The following FCHSD2 variants were observed in gnomAD, a reference collection of about 807,000 sequenced individuals.
FCHSD2 encodes the protein F-BAR and double SH3 domains protein 2.
FCHSD2 carries 38 observed loss-of-function variants against 108.1 expected under a neutral mutation model. That is an observed-to-expected ratio of 0.35 (90% CI 0.27 to 0.46). FCHSD2 has a LOEUF of 0.46. Among genes scored for constraint, FCHSD2 ranks in the 20% least tolerant of loss-of-function variants. The pLI is 1.00. For missense variants in FCHSD2, 751 were observed against 897.8 expected, an observed-to-expected ratio of 0.84 and a Z score of 2.09; for synonymous variants, 279 against 314.7, an observed-to-expected ratio of 0.89 and a Z score of 1.20.
chr11:72,907,892 T>C (rs938239579), intron 9 of FCHSD2, among the ~76,000 whole-genome samples: 2 of 152,146 alleles, frequency 1.3e-5, no homozygotes, highest in African/African-American at 4.8e-5. Context: ...CATGCCTGGC[T>C]GGTTTTGTTA....
chr11:73,021,410 G>T (rs1200089949), intron 3 of FCHSD2, among the ~76,000 whole-genome samples: 1 of 152,106 alleles, frequency 6.6e-6, no homozygotes, highest in African/African-American at 2.4e-5. Flanking sequence ...CTTTGCAGGG[G>T]CGTGGATGGC....
chr11:73,090,219 C>CTTTT (rs59603567), intron 2 of FCHSD2, among the ~76,000 whole-genome samples: 112 of 77,014 alleles, frequency 1.5e-3, no homozygotes, highest in Admixed American at 1.8e-3. Flanking sequence ...TACAATACTT[C>CTTTT]TTTTTTTTTT....
At chr11:73,072,593 CA>C (rs1037280888) in intron 3 of FCHSD2, among the ~76,000 whole-genome samples, 1 of 152,020 alleles carries the variant, frequency 6.6e-6, no homozygotes, top group Admixed American at 6.5e-5. Flanking sequence ...AAGTAATTTA[CA>C]AAACAGGACA....
chr11:73,141,828 AC>A, intron 1 of FCHSD2, 28 bp downstream of exon 1: 2 of 1,540,818 alleles, frequency 1.3e-6, no homozygotes. Flanking sequence ...ATCTCTCCGA[AC>A]CCCAAAGCCC....
intron 11 of FCHSD2, among the ~76,000 whole-genome samples, chr11:72,889,408 G>C (rs2135249669): frequency 6.6e-6 from 1 of 152,238 alleles, no homozygotes; most frequent in East Asian, 1.9e-4. Context: ...GCTGATGGAG[G>C]GCTTAAGGAA....
intron 8 of FCHSD2, among the ~76,000 whole-genome samples, chr11:72,950,971 G>A (rs1260744407): frequency 1.3e-5 from 2 of 152,166 alleles, no homozygotes; most frequent in Admixed American, 6.5e-5. Flanking sequence ...TAGATCTTAA[G>A]AGAATAGGTG....
chr11:72,842,860 A>G lies in FCHSD2; in HGVS notation c.1706-19T>C, dbSNP rs1174026513. The G allele has an allele frequency of 6.3e-7, 1 of 1,595,768 alleles. No homozygotes were observed. Among genetic ancestry groups the G allele is most frequent in the Admixed American group, 1.7e-5 (1 of 59,578 alleles). ...AAACATACTAGGGAGCAAGAGAAAA[A>G]CAAATCTGGTAAGATAATTAACAGC... On this transcript the variant is annotated intron_variant, in intron 16 of 19. Coordinates refer to ENST00000409418, the MANE Select transcript of FCHSD2 (RefSeq NM_014824.3).
At chr11:72,949,561 C>A (rs1856584755) in intron 8 of FCHSD2, among the ~76,000 whole-genome samples, 1 of 152,214 alleles carries the variant, frequency 6.6e-6, no homozygotes, top group Non-Finnish European at 1.5e-5. Flanking sequence ...TGCCTGGCAA[C>A]CACTAATCTA....
chr11:73,066,537 T>C (rs1304007121), intron 3 of FCHSD2, among the ~76,000 whole-genome samples: 4 of 152,030 alleles, frequency 2.6e-5, no homozygotes, highest in Admixed American at 6.6e-5. Context: ...CAAAAGAAAC[T>C]ATCATCAGAG....
At chr11:73,108,064 C>T (rs1183409455) in intron 2 of FCHSD2, among the ~76,000 whole-genome samples, 1 of 152,164 alleles carries the variant, frequency 6.6e-6, no homozygotes, top group African/African-American at 2.4e-5. Context: ...TTCTCCACAT[C>T]CTTGCCGGTG....
chr11:72,849,784 G>A lies in FCHSD2; in HGVS notation c.1414C>T (p.Leu472Phe). The A allele has an allele frequency of 6.2e-7, 1 of 1,612,332 alleles. No homozygotes were observed. The highest frequency in any genetic ancestry group is 1.1e-5 in the South Asian group (1 of 90,956). ...TAGGAATAAACAACTTTGCAGGTGAGTGGATAATTTCTTAAGGTGCCAGAA... is the reference window on the plus strand; with the variant it reads ...TAGGAATAAACAACTTTGCAGGTGAATGGATAATTTCTTAAGGTGCCAGAA... ...SPSGTLRNYP[L>F]TCKVVYSYKA... Residue 472 changes from leucine to phenylalanine, a missense_variant, in exon 14 of 20, where the codon CTC becomes TTC. By Grantham distance (22) the Leu-to-Phe change is conservative. Transcript: ENST00000409418.
At chr11:72,865,773 C>A (rs550106820) in intron 13 of FCHSD2, among the ~76,000 whole-genome samples, 4 of 152,086 alleles carry the variant, frequency 2.6e-5, no homozygotes, top group Non-Finnish European at 5.9e-5. Flanking sequence ...ATCTCAGAGT[C>A]TTTTAATCTT....
chr11:72,854,203 C>T (rs1861363755), intron 13 of FCHSD2, among the ~76,000 whole-genome samples: 1 of 152,160 alleles, frequency 6.6e-6, no homozygotes, highest in Non-Finnish European at 1.5e-5. Flanking sequence ...AGAATTACCA[C>T]ATAATTCAGC....
At chr11:72,995,504 C>A (rs1857503315) in intron 5 of FCHSD2, among the ~76,000 whole-genome samples, 1 of 151,764 alleles carries the variant, frequency 6.6e-6, no homozygotes, top group African/African-American at 2.4e-5. Flanking sequence ...GAGTTCGAGA[C>A]CACCCTGGGC....
chr11:73,132,824 GAAAA>G (rs35412486), intron 2 of FCHSD2, among the ~76,000 whole-genome samples: 3 of 110,920 alleles, frequency 2.7e-5, no homozygotes, highest in South Asian at 2.8e-4. Flanking sequence ...AACGGTAACA[GAAAA>G]AAAAAAAAAA....
intron 4 of FCHSD2, among the ~76,000 whole-genome samples, chr11:73,002,048 A>G (rs1332470458): frequency 1.3e-5 from 2 of 152,222 alleles, no homozygotes; most frequent in African/African-American, 4.8e-5. Context: ...CTGATAGATT[A>G]TAATATTCAT....
intron 8 of FCHSD2, among the ~76,000 whole-genome samples, chr11:72,950,634 T>C (rs1856604128): frequency 6.6e-6 from 1 of 152,028 alleles, no homozygotes; most frequent in Non-Finnish European, 1.5e-5. Flanking sequence ...AATCAGCTAC[T>C]GATGTATGAT....
chr11:72,944,591 GA>G (rs2135346930), intron 8 of FCHSD2, among the ~76,000 whole-genome samples: 2 of 152,246 alleles, frequency 1.3e-5, no homozygotes, highest in South Asian at 4.1e-4. Context: ...ATTTAATTAG[GA>G]AAAGAGGAAG....
At chr11:73,037,193 C>G (rs891636607) in intron 3 of FCHSD2, among the ~76,000 whole-genome samples, 2 of 152,150 alleles carry the variant, frequency 1.3e-5, no homozygotes, top group Non-Finnish European at 2.9e-5. Context: ...TCCCATGTAT[C>G]ACTTGCCCCC....
Sources: gnomAD v4.1 joint callset for allele counts (sites outside exome capture counted in the v4.1 genomes callset) on GRCh38, gnomAD v4.1.1 for gene constraint, MANE v1.5 for transcripts, NCBI Gene and HGNC (gene_info 2026-07-23, HGNC 2026-07-21) for gene names.